ARHGAP6: variants seen among roughly 807,000 people sequenced by gnomAD.
The protein encoded by ARHGAP6 is rho GTPase-activating protein 6.
A neutral mutation model predicts 55.7 loss-of-function variants in ARHGAP6; 16 were observed. The ratio of observed to expected loss-of-function variants is 0.29; its 90% CI spans 0.19 to 0.44. The LOEUF (loss-of-function observed/expected upper bound fraction) is 0.44. Among genes scored for constraint, ARHGAP6 ranks in the 20% least tolerant of loss-of-function variants. The pLI, the probability that ARHGAP6 is intolerant of heterozygous loss-of-function variation, is 1.00. For missense variants in ARHGAP6, 698 were observed against 808.9 expected (o/e 0.86, Z 1.66); for synonymous variants, 382 against 360.9 (o/e 1.06, Z -0.66).
intron 1 of ARHGAP6, among the ~76,000 whole-genome samples, chrX:11,319,068 T>C (rs1169694516): frequency 1.8e-5 from 2 of 112,403 alleles, no homozygotes; most frequent in East Asian, 2.8e-4. Flanking sequence ...TTCAATCATA[T>C]AATAAGTAAA....
intron 9 of ARHGAP6, 120 bp downstream of exon 9, chrX:11,169,385 C>G (rs1487695427): frequency 3.1e-6 from 2 of 642,641 alleles, no homozygotes; most frequent in Admixed American, 4.6e-5. Flanking sequence ...TGCCTGACTT[C>G]CAATGAATTC....
Position 11,559,163 on chromosome X carries a change from T to C in ARHGAP6, c.588+105078A>G, listed in dbSNP as rs2051357002. Among the ~76,000 whole-genome samples the C allele has an allele frequency of 2.7e-5, 3 of 109,223 alleles. No homozygotes were observed. The Admixed American group carries it at 3.0e-4, about 11-fold the overall frequency. 94.8% of individuals were successfully genotyped at this position (109,223 alleles called of 115,157 possible). A position where few individuals can be genotyped will look rare whatever the true frequency, so the allele number is the denominator to read the frequency against. On this transcript the variant is annotated intron_variant, in intron 1 of 12. Coordinates refer to ENST00000337414, the MANE Select transcript of ARHGAP6 (RefSeq NM_013427.3). ...TCATGGCCCCCTGGTGGCTGGGTGGTGGTATGGAAGGGAGAAGCAATGCCA... is the reference window on the plus strand; with the variant it reads ...TCATGGCCCCCTGGTGGCTGGGTGGCGGTATGGAAGGGAGAAGCAATGCCA...
intron 1 of ARHGAP6, among the ~76,000 whole-genome samples, chrX:11,644,376 A>C (rs2052506298): frequency 9.0e-6 from 1 of 111,150 alleles, no homozygotes; most frequent in South Asian, 3.8e-4. Flanking sequence ...CTTTGCTGCC[A>C]CTGCTGCCTG....
chrX:11,324,324 G>A (rs1308023938), intron 1 of ARHGAP6, among the ~76,000 whole-genome samples: 1 of 109,271 alleles, frequency 9.2e-6, no homozygotes. Context: ...CTGGTCAAGA[G>A]CAAAGGTCAT....
Position 11,386,336 on chromosome X carries a change from T to G in ARHGAP6, c.589-131629A>C, listed in dbSNP as rs752768971. 9.7e-5 allele frequency among the ~76,000 whole-genome samples: 11 copies of G among 113,101 alleles called. No individual in the cohort carries two copies. The East Asian group carries it at 2.8e-3, about 28-fold the overall frequency. On this transcript the variant is annotated intron_variant, in intron 1 of 12. Transcript: ENST00000337414. ...AGTTGCTGGTAGGGCTTAGCAGAAA[T>G]GCTCTCAAGCAAGCCAAGGATAAAG...
intron 1 of ARHGAP6, chrX:11,335,844 G>T: frequency 4.3e-6 from 1 of 231,093 alleles, no homozygotes. Flanking sequence ...ATGGTGGGGA[G>T]GCCTAGGTAA....
chrX:11,425,737 T>A (rs1409408336), intron 1 of ARHGAP6, among the ~76,000 whole-genome samples: 1 of 112,743 alleles, frequency 8.9e-6, no homozygotes, highest in African/African-American at 3.2e-5. Flanking sequence ...ATGACAATTT[T>A]AAAATATTTT....
rs3030687 is a variant in ARHGAP6 at position 11,230,610 on chromosome X, AGTGT to A, written c.748+23934_748+23937del. On this transcript the variant is annotated intron_variant, in intron 2 of 12. Transcript: ENST00000337414. ...GTTTTTGACCTTAAAAGTTATTAGG[AGTGT>A]GTGTGTGTGTGTGTGTGTGTGTGTG... Among the ~76,000 whole-genome samples the A allele has an allele frequency of 9.4e-3, 918 of 98,139 alleles. 4 individuals carry two copies. Among genetic ancestry groups the A allele is most frequent in the Non-Finnish European group, 0.013 (617 of 48,328 alleles). The allele number at this position is 98,139 out of a possible 115,157, so 85.2% of individuals were successfully genotyped here.
chrX:11,338,647 A>G (rs746855607), intron 1 of ARHGAP6, among the ~76,000 whole-genome samples: 54 of 112,207 alleles, frequency 4.8e-4, no homozygotes, highest in Non-Finnish European at 9.0e-4. Context: ...TCAATTGCCA[A>G]TATCTTCTCA....
At chrX:11,595,293 A>AG (rs1261386306) in intron 1 of ARHGAP6, among the ~76,000 whole-genome samples, 1 of 86,321 alleles carries the variant, frequency 1.2e-5, no homozygotes, top group African/African-American at 4.8e-5. Context: ...CTGTCTCAAG[A>AG]GAAAAAAAAA....
At chrX:11,662,086 C>G (rs971228411) in intron 1 of ARHGAP6, among the ~76,000 whole-genome samples, 1 of 112,081 alleles carries the variant, frequency 8.9e-6, no homozygotes, top group South Asian at 3.7e-4. Context: ...CAGATATTCC[C>G]TCCAGGGCCT....
At chrX:11,282,367 G>T (rs1415578088) in intron 1 of ARHGAP6, among the ~76,000 whole-genome samples, 1 of 111,705 alleles carries the variant, frequency 9.0e-6, no homozygotes, top group Non-Finnish European at 1.9e-5. Context: ...CCCATCATTA[G>T]CAAACGTTTT....
chrX:11,651,566 G>A (rs980305281), intron 1 of ARHGAP6, among the ~76,000 whole-genome samples: 3 of 111,895 alleles, frequency 2.7e-5, no homozygotes. Flanking sequence ...TTGATTCCAT[G>A]TCTTTGCTAT....
rs897048804 is a variant in ARHGAP6 at position 11,178,080 on chromosome X, T to C, written c.1629+20A>G. On this transcript the variant is annotated intron_variant, in intron 8 of 12. Transcript: ENST00000337414. ...GGGAGAGGAAGAGTCACGGCATCTA[T>C]GGCAGCAAAGGCATCTTACCTCTTG... The C allele has an allele frequency of 5.0e-6, 6 of 1,208,989 alleles. No homozygotes were observed. Among genetic ancestry groups the C allele is most frequent in the Non-Finnish European group, 6.7e-6 (6 of 894,792 alleles).
intron 1 of ARHGAP6, among the ~76,000 whole-genome samples, chrX:11,326,544 T>C (rs772323354): frequency 6.5e-4 from 73 of 111,683 alleles, no homozygotes; most frequent in Middle Eastern, 4.6e-3. Flanking sequence ...TACTTTGATA[T>C]TGACTCAAAG....
intron 1 of ARHGAP6, among the ~76,000 whole-genome samples, chrX:11,329,546 A>T (rs1036387848): frequency 3.6e-5 from 4 of 112,581 alleles, no homozygotes; most frequent in African/African-American, 1.3e-4. Flanking sequence ...TTCTAACAAG[A>T]TGTTCAAGAA....
chrX:11,521,979 G>A (rs2050934026), intron 1 of ARHGAP6, among the ~76,000 whole-genome samples: 1 of 111,311 alleles, frequency 9.0e-6, no homozygotes, highest in South Asian at 3.8e-4. Context: ...TGGTGTATAA[G>A]AATGCTTGTG....
At chrX:11,557,930 A>G (rs1569396867) in intron 1 of ARHGAP6, among the ~76,000 whole-genome samples, 1 of 111,895 alleles carries the variant, frequency 8.9e-6, no homozygotes, top group Non-Finnish European at 1.9e-5. Flanking sequence ...TCAGCCCAGG[A>G]GTGGCCTCTC....
intron 1 of ARHGAP6, chrX:11,427,576 C>A (rs1479039359): frequency 4.4e-6 from 4 of 912,783 alleles, no homozygotes; most frequent in Non-Finnish European, 5.5e-6. Context: ...CTTCTCGCCG[C>A]GGTACACCGG....
Sources: gnomAD v4.1 joint callset for allele counts (sites outside exome capture counted in the v4.1 genomes callset) on GRCh38, gnomAD v4.1.1 for gene constraint, MANE v1.5 for transcripts, NCBI Gene and HGNC (gene_info 2026-07-23, HGNC 2026-07-21) for gene names.